Variants in ZFHX3 observed in about 807,000 individuals in gnomAD.
The protein encoded by ZFHX3 is zinc finger homeobox protein 3.
A neutral mutation model predicts 279.1 loss-of-function variants in ZFHX3; 42 were observed. The observed-to-expected ratio is 0.15, with a 90% CI of 0.12 to 0.19. The LOEUF is 0.19. Among genes scored for constraint, ZFHX3 ranks in the 10% least tolerant of loss-of-function variants. ZFHX3 has a pLI of 1.00. For synonymous variants in ZFHX3, 2,293 were observed against 1,957.8 expected (o/e 1.17, Z -4.52); for missense variants, 4,981 against 4,754.0 (o/e 1.05, Z -1.40).
In ZFHX3 at chr16:72,794,787, CCACTGTCGTTTTCGCCAGGGCTTG is replaced by C; in HGVS notation, c.7871_7894del (p.Ala2624_Ser2631del). 2 of 1,614,182 alleles carry C rather than the reference CCACTGTCGTTTTCGCCAGGGCTTG, an allele frequency of 1.2e-6. No individual in the cohort carries two copies. Among genetic ancestry groups the C allele is most frequent in the Non-Finnish European group, 1.7e-6 (2 of 1,180,046 alleles). ...TCTCTGAGGCTCTTCTCCTCCTGTC[CCACTGTCGTTTTCGCCAGGGCTTG>C]CACTGGCCTTTTCCTCCAGCTTCCT... is the stretch of plus-strand genomic sequence containing the variant. On this transcript the variant is annotated inframe_deletion, in exon 9 of 10. Coordinates refer to ENST00000268489, the MANE Select transcript of ZFHX3 (RefSeq NM_006885.4). This position sits in a 1 kb window ranked among gnomAD's most constrained non-coding sequence, Gnocchi z 4.2.
intron 7 of ZFHX3, among the ~76,000 whole-genome samples, chr16:73,120,650 CTTTTTTTTT>C (rs1174733016): frequency 7.2e-5 from 8 of 110,728 alleles, no homozygotes; most frequent in African/African-American, 3.2e-4. Context: ...TCCTCTCTAC[CTTTTTTTTT>C]TTTTTTTTTT....
At chr16:73,566,216 C>T (rs2020448796) in intron 2 of ZFHX3, among the ~76,000 whole-genome samples, 1 of 152,206 alleles carries the variant, frequency 6.6e-6, no homozygotes, top group African/African-American at 2.4e-5. Flanking sequence ...ATAAGCCAGA[C>T]TGAGAGGCCT....
chr16:72,852,003 A>G (rs1246206257), intron 4 of ZFHX3, among the ~76,000 whole-genome samples: 1 of 152,198 alleles, frequency 6.6e-6, no homozygotes, highest in East Asian at 1.9e-4. Context: ...ATTTTCACTT[A>G]ATGGAAGACT....
chr16:73,142,551 T>C (rs1045123518), intron 6 of ZFHX3, among the ~76,000 whole-genome samples: 1 of 152,188 alleles, frequency 6.6e-6, no homozygotes, highest in African/African-American at 2.4e-5. Context: ...AAAATCCTTA[T>C]AAACAGTAGT....
At chr16:73,468,721 A>G (rs373477433) in intron 2 of ZFHX3, among the ~76,000 whole-genome samples, 2 of 152,202 alleles carry the variant, frequency 1.3e-5, no homozygotes, top group South Asian at 2.1e-4. Flanking sequence ...AAATTATACT[A>G]CTATGAAAAA....
intron 3 of ZFHX3, among the ~76,000 whole-genome samples, chr16:73,381,430 T>C (rs2016815821): frequency 6.6e-6 from 1 of 151,900 alleles, no homozygotes; most frequent in Non-Finnish European, 1.5e-5. Flanking sequence ...CAAATCTAAG[T>C]GGTTTGGGCA....
chr16:73,539,438 T>C (rs1459288432), intron 2 of ZFHX3, among the ~76,000 whole-genome samples: 196 of 112,274 alleles, frequency 1.7e-3, no homozygotes, highest in African/African-American at 9.5e-3. Context: ...TTCTTCTTTT[T>C]TTTTTTTTTT....
At chr16:73,202,539 G>A (rs1379888467) in intron 5 of ZFHX3, among the ~76,000 whole-genome samples, 2 of 152,174 alleles carry the variant, frequency 1.3e-5, no homozygotes, top group Admixed American at 1.3e-4. Context: ...TCGGGCTGCT[G>A]GAGTCGAAAT....
At chr16:73,403,421 T>C (rs181205700) in intron 3 of ZFHX3, among the ~76,000 whole-genome samples, 28 of 152,322 alleles carry the variant, frequency 1.8e-4, no homozygotes, top group Middle Eastern at 3.4e-3. Context: ...GGTATGCAAT[T>C]GTGCATCTGC....
intron 2 of ZFHX3, among the ~76,000 whole-genome samples, chr16:73,545,277 T>C (rs28542349): frequency 0.024 from 3,676 of 152,274 alleles, 147 homozygotes; most frequent in African/African-American, 0.084. Flanking sequence ...CCCATTTTCT[T>C]TCTCTCTTTC....
At chr16:72,826,797 A>G (rs1204965371) in intron 5 of ZFHX3, among the ~76,000 whole-genome samples, 1 of 152,218 alleles carries the variant, frequency 6.6e-6, no homozygotes, top group East Asian at 1.9e-4. Context: ...AAGATTAAGT[A>G]GGCCTGGTGC....
chr16:72,959,308 G>T lies in ZFHX3; in HGVS notation c.838C>A (p.Pro280Thr). 2.5e-6 allele frequency: 4 copies of T among 1,614,222 alleles called. No individual in the cohort carries two copies. Among genetic ancestry groups the T allele is most frequent in the Non-Finnish European group, 3.4e-6 (4 of 1,180,034 alleles). ...DGFVLYGKRKPILMCFLCKLS... is the reference protein window; with the variant it reads ...DGFVLYGKRKTILMCFLCKLS... ...TTGCACAAGAAACACATCAGGATGG[G>T]CTTCCTCTTGCCATAGAGCACAAAG... The change falls in exon 2 of 10, where the codon CCC becomes ACC. Residue 280 changes from proline (P) to threonine (T), a missense_variant. Coordinates refer to ENST00000268489, the MANE Select transcript of ZFHX3 (RefSeq NM_006885.4).
chr16:73,598,732 C>A (rs1322417605), intron 2 of ZFHX3, among the ~76,000 whole-genome samples: 3 of 151,742 alleles, frequency 2.0e-5, no homozygotes, highest in Non-Finnish European at 4.4e-5. Context: ...GAACACGATT[C>A]TTGATCACCC....
At chr16:73,528,896 T>C (rs1281450732) in intron 2 of ZFHX3, among the ~76,000 whole-genome samples, 4 of 152,214 alleles carry the variant, frequency 2.6e-5, no homozygotes, top group Non-Finnish European at 4.4e-5. Context: ...ATCAACCTCC[T>C]GGATGCAGGA....
intron 4 of ZFHX3, among the ~76,000 whole-genome samples, chr16:73,282,051 A>C (rs887153233): frequency 1.3e-5 from 2 of 152,276 alleles, no homozygotes; most frequent in African/African-American, 4.8e-5. Flanking sequence ...TTCTAAAGAA[A>C]ACTGAAGTCC....
chr16:73,544,125 A>G (rs1302144152), intron 2 of ZFHX3: 1 of 152,210 alleles, frequency 6.6e-6, no homozygotes, highest in African/African-American at 2.4e-5. Flanking sequence ...GGTACCTTTA[A>G]CTGTAAGACA....
At chr16:73,417,004 A>C (rs117367987) in intron 3 of ZFHX3, among the ~76,000 whole-genome samples, 418 of 152,088 alleles carry the variant, frequency 2.7e-3, no homozygotes, top group Admixed American at 4.1e-3. Flanking sequence ...ATACCACCTT[A>C]CCCAAGTGAC....
chr16:73,763,679 C>A (rs556462318), intron 1 of ZFHX3, among the ~76,000 whole-genome samples: 16 of 152,206 alleles, frequency 1.1e-4, no homozygotes, highest in African/African-American at 3.9e-4. Flanking sequence ...TTCTTATTAA[C>A]AGAATATAGC....
intron 1 of ZFHX3, among the ~76,000 whole-genome samples, chr16:73,036,331 C>T (rs1204055014): frequency 6.6e-6 from 1 of 152,150 alleles, no homozygotes; most frequent in Non-Finnish European, 1.5e-5. Flanking sequence ...TGCACAGATG[C>T]GGAAGGCCGG....
Sources: allele counts gnomAD v4.1 joint callset (sites outside exome capture counted in the v4.1 genomes callset), GRCh38; gene constraint gnomAD v4.1.1; non-coding constraint Gnocchi (gnomAD v3.1); transcripts MANE v1.5; gene names NCBI Gene and HGNC (gene_info 2026-07-23, HGNC 2026-07-21).